The following RORA variants were observed in gnomAD, a reference collection of about 807,000 sequenced individuals.
RORA encodes the protein nuclear receptor ROR-alpha.
A neutral mutation model predicts 69.5 loss-of-function variants in RORA; 7 were observed. The observed-to-expected ratio is 0.10, with a 90% CI of 0.06 to 0.19. The LOEUF is 0.19. RORA is among the 10% of genes least tolerant of loss of function. RORA has a pLI of 1.00. For missense variants in RORA, 457 were observed against 663.0 expected (o/e 0.69, Z 3.41); for synonymous variants, 261 against 240.8 (o/e 1.08, Z -0.78).
intron 2 of RORA, among the ~76,000 whole-genome samples, chr15:60,654,628 T>C (rs1295562510): frequency 6.6e-6 from 1 of 152,152 alleles, no homozygotes; most frequent in African/African-American, 2.4e-5. Context: ...TGTGATTAAA[T>C]TAAGGATCTG....
In RORA at chr15:60,918,566, T is replaced by G. The variant is rs184761734; in HGVS notation, c.167-239880A>C. Among the ~76,000 whole-genome samples the G allele has an allele frequency of 2.0e-5, 3 of 152,378 alleles. 1 individual carries two copies. The East Asian group carries it at 5.8e-4, about 29-fold the overall frequency. On this transcript the variant is annotated intron_variant, in intron 1 of 10. Coordinates refer to ENST00000335670, the MANE Select transcript of RORA (RefSeq NM_134261.3). ...TACCAACAACTAGCTACCTTGGAAT[T>G]ACCCATTAATGACATGATTAGTTGT...
chr15:60,794,465 C>A (rs912366511), intron 1 of RORA, among the ~76,000 whole-genome samples: 1 of 152,130 alleles, frequency 6.6e-6, no homozygotes, highest in Non-Finnish European at 1.5e-5. Flanking sequence ...AACCATTACA[C>A]CTGTGTGTAT....
At chr15:60,556,572 T>C (rs1243598436) in intron 2 of RORA, among the ~76,000 whole-genome samples, 3 of 152,188 alleles carry the variant, frequency 2.0e-5, no homozygotes, top group African/African-American at 7.2e-5. Context: ...TTAGTTCTCG[T>C]GTTCACTCTG....
At chr15:60,880,476 T>G (rs1201768736) in intron 1 of RORA, among the ~76,000 whole-genome samples, 3 of 152,084 alleles carry the variant, frequency 2.0e-5, no homozygotes, top group Admixed American at 2.0e-4. Context: ...CCATCTCTAC[T>G]AAAAATACAA....
At chr15:60,583,907 T>C (rs951954887) in intron 2 of RORA, among the ~76,000 whole-genome samples, 3 of 152,202 alleles carry the variant, frequency 2.0e-5, no homozygotes, top group African/African-American at 4.8e-5. Context: ...AAACCTGTCT[T>C]ATCCTCACAA....
Position 60,701,807 on chromosome 15 carries a change from A to T in RORA, c.167-23121T>A, listed in dbSNP as rs367959676. 1.1e-4 allele frequency among the ~76,000 whole-genome samples: 16 copies of T among 152,132 alleles called. No homozygotes were observed. In the East Asian group the frequency reaches 2.9e-3, roughly 27 times the overall value. ...GTGACCTCAGAAGTCTGGAGGGAAG[A>T]GTGATGAGGCAGTGTTTTAAAAGGG... On this transcript the variant is annotated intron_variant, in intron 1 of 10. Transcript: ENST00000335670.
intron 1 of RORA, among the ~76,000 whole-genome samples, chr15:61,103,070 A>T (rs1449584838): frequency 3.3e-5 from 5 of 152,208 alleles, no homozygotes; most frequent in Non-Finnish European, 7.3e-5. Flanking sequence ...ACACGTTCCT[A>T]TCTCCCGTAT....
At chr15:60,677,005 C>T in intron 2 of RORA, 1 of 339,354 alleles carries the variant, frequency 2.9e-6, no homozygotes, top group Admixed American at 3.6e-5. Flanking sequence ...AGAGCCAAGT[C>T]ATAATGCAAA....
intron 1 of RORA, among the ~76,000 whole-genome samples, chr15:60,758,217 A>G (rs900218894): frequency 2.0e-5 from 3 of 152,100 alleles, no homozygotes; most frequent in Non-Finnish European, 2.9e-5. Flanking sequence ...ATGCTCAGTA[A>G]TTCTCCATGC....
At chr15:60,934,245 C>T (rs951973587) in intron 1 of RORA, among the ~76,000 whole-genome samples, 6 of 152,244 alleles carry the variant, frequency 3.9e-5, no homozygotes, top group African/African-American at 1.4e-4. Context: ...GGCACCTGCC[C>T]TATGCTGGCC....
chr15:60,673,992 C>G (rs1391388551), intron 2 of RORA, among the ~76,000 whole-genome samples: 1 of 152,178 alleles, frequency 6.6e-6, no homozygotes, highest in African/African-American at 2.4e-5. Context: ...TATCCCTTTT[C>G]CTGACTATTT....
intron 1 of RORA, among the ~76,000 whole-genome samples, chr15:60,985,579 C>A (rs1894174040): frequency 9.3e-6 from 1 of 107,694 alleles, no homozygotes; most frequent in Non-Finnish European, 1.9e-5. Flanking sequence ...AGAAACTCAT[C>A]CTCTTTTTTT....
chr15:60,947,016 T>TG (rs1204410896), intron 1 of RORA, among the ~76,000 whole-genome samples: 1 of 126,368 alleles, frequency 7.9e-6, no homozygotes, highest in African/African-American at 2.8e-5. Context: ...GGGAGGGAGG[T>TG]GGGGGGCCAG....
chr15:60,522,026 GC>G (rs1372519125), intron 3 of RORA, among the ~76,000 whole-genome samples: 2 of 152,138 alleles, frequency 1.3e-5, no homozygotes, highest in Non-Finnish European at 2.9e-5. Context: ...TGGGCGCTTG[GC>G]AAACTGGGAC....
At chr15:60,553,277 A>C (rs1396654377) in intron 2 of RORA, among the ~76,000 whole-genome samples, 1 of 152,194 alleles carries the variant, frequency 6.6e-6, no homozygotes, top group Non-Finnish European at 1.5e-5. Flanking sequence ...AGTGAGTTTC[A>C]GCTCATATTC....
chr15:60,714,271 C>T (rs1385563102), intron 1 of RORA, among the ~76,000 whole-genome samples: 1 of 152,090 alleles, frequency 6.6e-6, no homozygotes, highest in Non-Finnish European at 1.5e-5. Flanking sequence ...ATTGACCAGC[C>T]TGGTCTCCAA....
chr15:61,149,379 T>C (rs1243306520), intron 1 of RORA, among the ~76,000 whole-genome samples: 1 of 152,180 alleles, frequency 6.6e-6, no homozygotes, highest in Non-Finnish European at 1.5e-5. Context: ...AGGACTTCAC[T>C]CTATCCTACA....
rs1309718264 is a variant in RORA, at chr15:61,219,845, A to T, written c.166+9208T>A. On this transcript the variant is annotated intron_variant, in intron 1 of 10. Coordinates refer to ENST00000335670, the MANE Select transcript of RORA (RefSeq NM_134261.3). ...CCAAGTGGTAGCATCATGAGTGAGT[A>T]TCACATATTTAACATACAACCCCAA... 2.0e-5 allele frequency among the ~76,000 whole-genome samples: 3 copies of T among 152,346 alleles called. No homozygotes were observed. In the South Asian group the frequency reaches 6.2e-4, roughly 32 times the overall value.
intron 2 of RORA, among the ~76,000 whole-genome samples, chr15:60,551,531 G>A (rs1331910659): frequency 6.6e-6 from 1 of 152,110 alleles, no homozygotes; most frequent in Non-Finnish European, 1.5e-5. Flanking sequence ...CTCACTAACT[G>A]TCCTCAGGAA....
Sources: allele counts gnomAD v4.1 joint callset (sites outside exome capture counted in the v4.1 genomes callset), GRCh38; gene constraint gnomAD v4.1.1; transcripts MANE v1.5; gene names NCBI Gene and HGNC (gene_info 2026-07-23, HGNC 2026-07-21).